Variants in GDF7 observed in about 807,000 individuals in gnomAD.
The protein encoded by GDF7 is growth differentiation factor 7.
In GDF7, 12 loss-of-function variants were observed where a neutral mutation model predicts 13.4. That is an observed-to-expected ratio of 0.90 (90% CI 0.57 to 1.45). GDF7 has a LOEUF of 1.45. Among genes scored for constraint, GDF7 ranks in the 40% most tolerant of loss-of-function variants. The pLI is 0.00. For synonymous variants in GDF7, 330 were observed against 306.4 expected, an observed-to-expected ratio of 1.08 and a Z score of -0.80; for missense variants, 651 against 652.4, an observed-to-expected ratio of 1.00 and a Z score of 0.02.
In GDF7 at chr2:20,673,785, T is replaced by A. The variant is rs1292323712; in HGVS notation, c.*2360T>A. On this transcript the variant is annotated 3_prime_UTR_variant, in exon 2 of 2. Coordinates refer to ENST00000272224, the MANE Select transcript of GDF7 (RefSeq NM_182828.4). ...GTGGTGTGGGAAGTAGGTACCTTCC[T>A]GCATCTTGAGTTCAGGTGGCACCCG... 6.6e-6 allele frequency: 1 copy of A among 152,262 alleles called. No homozygotes were observed. The highest frequency in any genetic ancestry group is 1.5e-5 in the Non-Finnish European group (1 of 68,048). 9.4% of individuals were successfully genotyped at this position (152,262 alleles called of 1,614,324 possible).
Position 20,670,713 on chromosome 2 carries a change from C to T in GDF7, c.641C>T (p.Ala214Val), listed in dbSNP as rs1662102104. Reference sequence around the variant, plus strand: ...CAGCGCTGGGAGGCGTTCGACGTGGCGGACGCCATGAGGCGCCACCGTCGT... The same window carrying T: ...CAGCGCTGGGAGGCGTTCGACGTGGTGGACGCCATGAGGCGCCACCGTCGT... ...VGQRWEAFDV[A>V]DAMRRHRREP... The change falls in exon 2 of 2, where the codon GCG becomes GTG. Residue 214 changes from alanine to valine, a missense_variant. Physicochemically the swap from Ala to Val is moderately conservative, Grantham distance 64. Coordinates refer to ENST00000272224, the MANE Select transcript of GDF7 (RefSeq NM_182828.4). The T allele has an allele frequency of 6.8e-7, 1 of 1,476,708 alleles. No homozygotes were observed. The highest frequency in any genetic ancestry group is 8.9e-7 in the Non-Finnish European group (1 of 1,119,518). 91.5% of individuals were successfully genotyped at this position (1,476,708 alleles called of 1,614,324 possible).
rs1396025970 is a variant in GDF7 at position 20,670,571 on chromosome 2, C to T, written c.499C>T (p.Pro167Ser). 1 of 1,605,982 alleles carries T rather than the reference C, an allele frequency of 6.2e-7. No homozygotes were observed. Among genetic ancestry groups the T allele is most frequent in the East Asian group, 2.3e-5 (1 of 44,418 alleles). ...GCTGCGCGTGCTGCGCCGGGGATCTCCAGAGTCGGGCCCAGGCAGCTGGAC... is the reference window on the plus strand; with the variant it reads ...GCTGCGCGTGCTGCGCCGGGGATCTTCAGAGTCGGGCCCAGGCAGCTGGAC... ...AELRVLRRGS[P>S]ESGPGSWTSP... The change falls in exon 2 of 2, where the codon CCA (proline) becomes TCA (serine). Residue 167 changes from proline (P) to serine (S), a missense_variant. By Grantham distance (74) the Pro-to-Ser change is moderately conservative. Transcript: ENST00000272224.
At position 20,673,418 on chromosome 2, in the gene GDF7, G is replaced by A. The variant is rs1216838190; in HGVS notation, c.*1993G>A. 6.6e-6 allele frequency: 1 copy of A among 151,972 alleles called. No individual in the cohort carries two copies. The highest frequency in any genetic ancestry group is 1.5e-5 in the Non-Finnish European group (1 of 68,004). The allele number at this position is 151,972 out of a possible 1,614,324, so 9.4% of individuals were successfully genotyped here. A position where few individuals can be genotyped will look rare whatever the true frequency, so the allele number is the denominator to read the frequency against. ...GGGCAAAGATGGTCCCTAAATTTGT[G>A]GATTTTGCCAGAGATGCCTCACTCT... On this transcript the variant is annotated 3_prime_UTR_variant, in exon 2 of 2. Transcript: ENST00000272224.
Position 20,670,774 on chromosome 2 carries a change from G to T in GDF7, c.702G>T (p.Leu234=), listed in dbSNP as rs535757784. Reference sequence around the variant, plus strand: ...CCCCCCGCGCGTTCTGCCTCTTGCTGCGCGCAGTGGCAGGCCCGGTGCCGA... The same window carrying T: ...CCCCCCGCGCGTTCTGCCTCTTGCTTCGCGCAGTGGCAGGCCCGGTGCCGA... The part of the protein sequence containing the change: ...PRPPRAFCLL[L]RAVAGPVPSP... The change falls in exon 2 of 2, where the codon CTG becomes CTT. Residue 234 remains leucine, a synonymous_variant. Coordinates refer to ENST00000272224, the MANE Select transcript of GDF7 (RefSeq NM_182828.4). The T allele has an allele frequency of 6.7e-7, 1 of 1,492,110 alleles. No individual in the cohort carries two copies. Among genetic ancestry groups the T allele is most frequent in the Non-Finnish European group, 8.9e-7 (1 of 1,127,134 alleles). The allele number at this position is 1,492,110 out of a possible 1,614,324, so 92.4% of individuals were successfully genotyped here.
chr2:20,670,401 T>C, intron 1 of GDF7, 63 bp from the exon 2 acceptor site: 1 of 1,437,684 alleles, frequency 7.0e-7, no homozygotes, highest in East Asian at 2.7e-5. Context: ...GGCCCCGCGC[T>C]GACAGTGTGC....
At position 20,673,197 on chromosome 2, in the gene GDF7, C is replaced by CAA. The variant is rs1466124179; in HGVS notation, c.*1775_*1776dup. 3 of 97,210 alleles carry CAA rather than the reference C, an allele frequency of 3.1e-5. No homozygotes were observed. The highest frequency in any genetic ancestry group is 6.7e-5 in the Non-Finnish European group (3 of 44,910). The allele number at this position is 97,210 out of a possible 1,614,324, so 6.0% of individuals were successfully genotyped here. ...CGGTTTTCATCCTGTAAAATTCTCC[C>CAA]AAAAGAAAAAAAAATACACGTGTAA... On this transcript the variant is annotated 3_prime_UTR_variant, in exon 2 of 2. Coordinates refer to ENST00000272224, the MANE Select transcript of GDF7 (RefSeq NM_182828.4).
chr2:20,668,825 C>A (rs531815557), intron 1 of GDF7, among the ~76,000 whole-genome samples: 1 of 152,332 alleles, frequency 6.6e-6, no homozygotes, highest in South Asian at 2.1e-4. Flanking sequence ...AACTATCAAG[C>A]CTTCTCTGAC....
In GDF7 at chr2:20,667,672, T is replaced by G; in HGVS notation, c.391+42T>G. ...TGTGCCCGCCCATCCCGTCAGGTCC[T>G]GGGCTGAGACCAGCCCCGGAGCCGT... On this transcript the variant is annotated intron_variant, in intron 1 of 1. Coordinates refer to ENST00000272224, the MANE Select transcript of GDF7 (RefSeq NM_182828.4). The surrounding 1 kb of genome is among the most constrained non-coding windows in gnomAD (Gnocchi z 6.4). The G allele has an allele frequency of 1.5e-6, 2 of 1,334,132 alleles. No individual in the cohort carries two copies. The highest frequency in any genetic ancestry group is 1.9e-6 in the Non-Finnish European group (2 of 1,040,710). 82.6% of individuals were successfully genotyped at this position (1,334,132 alleles called of 1,614,324 possible).
chr2:20,668,503 T>C (rs1021268875), intron 1 of GDF7, among the ~76,000 whole-genome samples: 5 of 152,242 alleles, frequency 3.3e-5, no homozygotes, highest in African/African-American at 9.6e-5. Context: ...AAAATTTACC[T>C]AATTTCAGGC....
chr2:20,667,362 G>GGGCGGCGGT lies in GDF7; in HGVS notation c.131_132insTGGCGGCGG (p.Gly48_Gly50dup), dbSNP rs1695981489. 4 of 809,266 alleles carry GGGCGGCGGT rather than the reference G, an allele frequency of 4.9e-6. No individual in the cohort carries two copies. Among genetic ancestry groups the GGGCGGCGGT allele is most frequent in the South Asian group, 5.2e-5 (1 of 19,346 alleles). The allele number at this position is 809,266 out of a possible 1,614,324, so 50.1% of individuals were successfully genotyped here. ...GGGCTGGGCCGGTCCGGAGCCCAGGGGGCGGCGGCGGCGGCGGCGGCGGCG... is the reference window on the plus strand; with the variant it reads ...GGGCTGGGCCGGTCCGGAGCCCAGGGGGCGGCGGTGGCGGCGGCGGCGGCGGCGGCGGCG... On this transcript the variant is annotated inframe_insertion, in exon 1 of 2. Transcript: ENST00000272224. The surrounding 1 kb of genome is among the most constrained non-coding windows in gnomAD (Gnocchi z 6.4).
chr2:20,667,557 G>A lies in GDF7; in HGVS notation c.318G>A (p.Gly106=). The part of the protein sequence containing the change: ...YRSLAGRAPA[G]AAAVSASGHG... ...GCCTGGCCGGGAGGGCTCCGGCCGG[G>A]GCAGCCGCTGTCTCCGCCTCGGGCC... Residue 106 remains glycine (G), a synonymous_variant, in exon 1 of 2, where the codon GGG becomes GGA. Transcript: ENST00000272224. This position sits in a 1 kb window ranked among gnomAD's most constrained non-coding sequence, Gnocchi z 6.4. 6 of 1,493,914 alleles carry A rather than the reference G, an allele frequency of 4.0e-6. No homozygotes were observed. The highest frequency in any genetic ancestry group is 5.3e-6 in the Non-Finnish European group (6 of 1,128,722). 92.5% of individuals were successfully genotyped at this position (1,493,914 alleles called of 1,614,324 possible). A position where few individuals can be genotyped will look rare whatever the true frequency, so the allele number is the denominator to read the frequency against.
rs57730611 is a variant in GDF7 at position 20,672,107 on chromosome 2, ACC to A, written c.*698_*699del. On this transcript the variant is annotated 3_prime_UTR_variant, in exon 2 of 2. Coordinates refer to ENST00000272224, the MANE Select transcript of GDF7 (RefSeq NM_182828.4). ...GATTTCTGCAAAGGTCGGTACCGCC[ACC>A]CCCCCCCCCCCCCCCGCCTTTTTTT... 509 of 138,982 alleles carry A rather than the reference ACC, an allele frequency of 3.7e-3. 13 individuals carry two copies. Among genetic ancestry groups the A allele is most frequent in the African/African-American group, 5.8e-3 (209 of 35,840 alleles). 8.6% of individuals were successfully genotyped at this position (138,982 alleles called of 1,614,324 possible).
chr2:20,670,076 G>A lies in GDF7; in HGVS notation c.392-388G>A, dbSNP rs550554826. 3.6e-3 allele frequency among the ~76,000 whole-genome samples: 555 copies of A among 152,280 alleles called. 6 individuals carry two copies. Among genetic ancestry groups the A allele is most frequent in the Non-Finnish European group, 5.3e-3 (362 of 68,006 alleles). The stretch of plus-strand genomic sequence containing the variant: ...CACGACTTCTTTTCAACCCAGCCCC[G>A]GACTCTGATCTCGGATTCTGGCCCG... On this transcript the variant is annotated intron_variant, in intron 1 of 1. Coordinates refer to ENST00000272224, the MANE Select transcript of GDF7 (RefSeq NM_182828.4).
At chr2:20,668,191 C>G (rs1009922457) in intron 1 of GDF7, among the ~76,000 whole-genome samples, 8 of 152,116 alleles carry the variant, frequency 5.3e-5, no homozygotes, top group Non-Finnish European at 1.0e-4. Flanking sequence ...ATGAGGAGTG[C>G]CCTGCTCAGC....
In GDF7 at chr2:20,671,429, G is replaced by C. The variant is rs747356353; in HGVS notation, c.*4G>C. The C allele has an allele frequency of 6.2e-7, 1 of 1,606,620 alleles. No homozygotes were observed. Among genetic ancestry groups the C allele is most frequent in the Admixed American group, 1.7e-5 (1 of 59,550 alleles). ...GGAGGCCTGCGGCTGCAGGTAGCGC[G>C]AGGGCCGGGGAGGGGGCAGCCACGC... On this transcript the variant is annotated 3_prime_UTR_variant, in exon 2 of 2. Transcript: ENST00000272224.
chr2:20,670,804 G>A lies in GDF7; in HGVS notation c.732G>A (p.Pro244=). ...LRAVAGPVPS[P]LALRRLGFGW... ...CAGTGGCAGGCCCGGTGCCGAGCCC[G>A]TTGGCACTGCGGCGGCTGGGCTTCG... Residue 244 remains proline (P), a synonymous_variant, in exon 2 of 2, where the codon CCG becomes CCA. Transcript: ENST00000272224. The A allele has an allele frequency of 6.7e-7, 1 of 1,489,488 alleles. No homozygotes were observed. Among genetic ancestry groups the A allele is most frequent in the Admixed American group, 2.1e-5 (1 of 46,682 alleles). 92.3% of individuals were successfully genotyped at this position (1,489,488 alleles called of 1,614,324 possible). A position where few individuals can be genotyped will look rare whatever the true frequency, so the allele number is the denominator to read the frequency against.
rs1367856664 is a variant in GDF7, at chr2:20,677,888, C to A, written c.*6463C>A. ...TGTGTTGAGGGCCTCCCCTTGCCTG[C>A]ACCTTTTTATCTCTGAGTGACTGAG... On this transcript the variant is annotated 3_prime_UTR_variant, in exon 2 of 2. Coordinates refer to ENST00000272224, the MANE Select transcript of GDF7 (RefSeq NM_182828.4). The A allele has an allele frequency of 6.6e-6, 1 of 152,426 alleles. No individual in the cohort carries two copies. Among genetic ancestry groups the A allele is most frequent in the African/African-American group, 2.4e-5 (1 of 41,470 alleles). The allele number at this position is 152,426 out of a possible 1,614,324, so 9.4% of individuals were successfully genotyped here. A position where few individuals can be genotyped will look rare whatever the true frequency, so the allele number is the denominator to read the frequency against.
At position 20,667,672 on chromosome 2, in the gene GDF7, T is replaced by C. The variant is rs1695991649; in HGVS notation, c.391+42T>C. The C allele has an allele frequency of 7.5e-7, 1 of 1,334,150 alleles. No homozygotes were observed. The highest frequency in any genetic ancestry group is 9.6e-7 in the Non-Finnish European group (1 of 1,040,728). The allele number at this position is 1,334,150 out of a possible 1,614,324, so 82.6% of individuals were successfully genotyped here. On this transcript the variant is annotated intron_variant, in intron 1 of 1. Coordinates refer to ENST00000272224, the MANE Select transcript of GDF7 (RefSeq NM_182828.4). The surrounding 1 kb of genome is among the most constrained non-coding windows in gnomAD (Gnocchi z 6.4). The stretch of plus-strand genomic sequence containing the variant: ...TGTGCCCGCCCATCCCGTCAGGTCC[T>C]GGGCTGAGACCAGCCCCGGAGCCGT...
In GDF7 at chr2:20,676,795, G is replaced by C. The variant is rs1662229113; in HGVS notation, c.*5370G>C. 1 of 152,256 alleles carries C rather than the reference G, an allele frequency of 6.6e-6. No homozygotes were observed. Among genetic ancestry groups the C allele is most frequent in the Non-Finnish European group, 1.5e-5 (1 of 68,052 alleles). The allele number at this position is 152,256 out of a possible 1,614,324, so 9.4% of individuals were successfully genotyped here. A position where few individuals can be genotyped will look rare whatever the true frequency, so the allele number is the denominator to read the frequency against. ...AATTACAGCAGAGCAACCCAGGATG[G>C]GTGGTCATTGAAAAATGGGTGTGAA... On this transcript the variant is annotated 3_prime_UTR_variant, in exon 2 of 2. Transcript: ENST00000272224.
Sources: gnomAD v4.1 joint callset for allele counts (sites outside exome capture counted in the v4.1 genomes callset) on GRCh38, gnomAD v4.1.1 for gene constraint, Gnocchi (gnomAD v3.1) non-coding constraint, MANE v1.5 for transcripts, NCBI Gene and HGNC (gene_info 2026-07-23, HGNC 2026-07-21) for gene names.